The following MDN1 variants were observed in gnomAD, a reference collection of about 807,000 sequenced individuals.
The protein encoded by MDN1 is midasin AAA ATPase 1, also known as midasin.
MDN1 carries 266 observed loss-of-function variants against 669.2 expected under a neutral mutation model. The ratio of observed to expected loss-of-function variants is 0.40; its 90% CI spans 0.36 to 0.44. MDN1 has a LOEUF of 0.44. Ranked by LOEUF, MDN1 falls within the 20% of genes least tolerant of loss-of-function variation. MDN1 has a pLI of 1.00. For missense variants in MDN1, 5,940 were observed against 6,754.0 expected, an observed-to-expected ratio of 0.88 and a Z score of 4.22; for synonymous variants, 2,385 against 2,457.1, an observed-to-expected ratio of 0.97 and a Z score of 0.87.
chr6:89,717,362 A>G (rs994382736), intron 43 of MDN1, among the ~76,000 whole-genome samples: 1 of 152,208 alleles, frequency 6.6e-6, no homozygotes, highest in African/African-American at 2.4e-5. Flanking sequence ...AAGATGAGGG[A>G]GTAACGAGGT....
chr6:89,739,936 T>G (rs1816194760), intron 32 of MDN1, among the ~76,000 whole-genome samples: 1 of 152,190 alleles, frequency 6.6e-6, no homozygotes, highest in Admixed American at 6.5e-5. Flanking sequence ...CAATAATAAC[T>G]TTCTTGCAGA....
intron 44 of MDN1, 30 bp downstream of exon 44, chr6:89,716,620 T>C (rs751131484): frequency 2.5e-6 from 4 of 1,575,740 alleles, no homozygotes; most frequent in Non-Finnish European, 3.4e-6. Context: ...AATTTCAAGT[T>C]GGACCACTGA....
Position 89,650,717 on chromosome 6 carries a change from G to C in MDN1, c.16031+15C>G. 6.2e-7 allele frequency: 1 copy of C among 1,601,500 alleles called. No homozygotes were observed. The highest frequency in any genetic ancestry group is 8.6e-7 in the Non-Finnish European group (1 of 1,168,996). ...TCTCAGGGCACTGTGAGGCCTTCCA[G>C]AGGGGAAGACTTACTTCAGCTTGGC... On this transcript the variant is annotated intron_variant, in intron 96 of 101. Transcript: ENST00000369393.
chr6:89,763,747 A>C (rs1817671373), intron 15 of MDN1, among the ~76,000 whole-genome samples: 1 of 152,212 alleles, frequency 6.6e-6, no homozygotes, highest in South Asian at 2.1e-4. Context: ...TCACTGGCCT[A>C]GTGAGGGAGA....
chr6:89,698,806 T>C, intron 59 of MDN1, 59 bp downstream of exon 59: 1 of 1,534,122 alleles, frequency 6.5e-7, no homozygotes, highest in South Asian at 1.1e-5. Flanking sequence ...TATTGATAGA[T>C]CCATTCAGAA....
At chr6:89,809,909 T>C (rs1768276375) in intron 1 of MDN1, among the ~76,000 whole-genome samples, 1 of 141,376 alleles carries the variant, frequency 7.1e-6, no homozygotes. Flanking sequence ...GGAAATCACC[T>C]GAGCCTGGAA....
In MDN1 at chr6:89,817,872, A is replaced by T. The variant is rs146001211; in HGVS notation, c.102+1634T>A. Among the ~76,000 whole-genome samples the T allele has an allele frequency of 5.9e-5, 9 of 152,298 alleles. No individual in the cohort carries two copies. In the East Asian group the frequency reaches 1.7e-3, roughly 29 times the overall value. ...TAAGGGGTTGTCCCATACATAACAGAATGCTTAGCAGCGTCCCTGGCCTTG... is the reference window on the plus strand; with the variant it reads ...TAAGGGGTTGTCCCATACATAACAGTATGCTTAGCAGCGTCCCTGGCCTTG... On this transcript the variant is annotated intron_variant, in intron 1 of 101. Transcript: ENST00000369393.
chr6:89,799,266 C>G (rs1301626655), intron 2 of MDN1, among the ~76,000 whole-genome samples: 3 of 152,242 alleles, frequency 2.0e-5, no homozygotes, highest in African/African-American at 7.2e-5. Context: ...CACTATTGCT[C>G]TTACCAATCA....
At chr6:89,693,697 A>AC (rs1358610391) in intron 62 of MDN1, among the ~76,000 whole-genome samples, 4 of 152,104 alleles carry the variant, frequency 2.6e-5, no homozygotes, top group Non-Finnish European at 5.9e-5. Context: ...AAAAAAACGA[A>AC]CCCCAAATCC....
intron 46 of MDN1, among the ~76,000 whole-genome samples, chr6:89,713,812 G>C (rs1440244945): frequency 6.6e-6 from 1 of 152,098 alleles, no homozygotes; most frequent in African/African-American, 2.4e-5. Flanking sequence ...ACTTTGGGAG[G>C]CCTAGGTGGG....
In MDN1 at chr6:89,670,997, G is replaced by A. The variant is rs376885525; in HGVS notation, c.13878C>T (p.Thr4626=). ...TACTACGGTGAGTTGCTAAAGACAT[G>A]GTCAGGAAGAAGAGGACGAGGTCTG... ...SYSDLVLFFL[T]MSLATHRSTA... Residue 4626 remains threonine (T), a synonymous_variant, in exon 83 of 102, where the codon ACC becomes ACT. Transcript: ENST00000369393. 1.3e-5 allele frequency: 21 copies of A among 1,614,010 alleles called. No homozygotes were observed. The African/African-American group carries it at 2.4e-4, about 18-fold the overall frequency.
chr6:89,744,255 G>A (rs1001660103), intron 29 of MDN1, among the ~76,000 whole-genome samples: 2 of 151,444 alleles, frequency 1.3e-5, no homozygotes, highest in African/African-American at 4.9e-5. Flanking sequence ...GAACTAAATA[G>A]ACAAAAACTG....
Position 89,695,629 on chromosome 6 carries a change from G to C in MDN1, c.9747C>G (p.Tyr3249Ter). 1 of 1,604,352 alleles carries C rather than the reference G, an allele frequency of 6.2e-7. No homozygotes were observed. Among genetic ancestry groups the C allele is most frequent in the East Asian group, 2.2e-5 (1 of 44,642 alleles). Residue 3249 changes from tyrosine (Y) to a stop codon, truncating the protein, a stop_gained, in exon 61 of 102, where the codon TAC (tyrosine) becomes TAG (stop). Transcript: ENST00000369393. LOFTEE classifies it high-confidence loss of function. This position sits in a 1 kb window ranked among gnomAD's most constrained non-coding sequence, Gnocchi z 4.1. Reference sequence around the variant, plus strand: ...CCTCTTCCTTGACGTAATTGAGCTTGTACTCCCTCTTCACCGCAGGGTCAA... The same window carrying C: ...CCTCTTCCTTGACGTAATTGAGCTTCTACTCCCTCTTCACCGCAGGGTCAA... ...ARFDPAVKREYKLNYVKEELH... is the reference protein window; with the variant it reads ...ARFDPAVKRE
chr6:89,699,575 G>T, intron 58 of MDN1, 26 bp downstream of exon 58: 1 of 1,599,900 alleles, frequency 6.3e-7, no homozygotes, highest in Non-Finnish European at 8.5e-7. Context: ...ATGTAAAGGA[G>T]GCTTATGTCT....
chr6:89,732,542 T>TACCAGACA lies in MDN1; in HGVS notation c.4942+7_4942+14dup. 6.2e-7 allele frequency: 1 copy of TACCAGACA among 1,612,498 alleles called. No individual in the cohort carries two copies. The highest frequency in any genetic ancestry group is 2.2e-5 in the East Asian group (1 of 44,876). On this transcript the variant is annotated intron_variant, in intron 34 of 101. Coordinates refer to ENST00000369393, the MANE Select transcript of MDN1 (RefSeq NM_014611.3). The stretch of plus-strand genomic sequence containing the variant: ...ATACGAGCCCCTTGTCCCCACCAGC[T>TACCAGACA]ACCAGACAACATACCTGAACCTATT...
Position 89,695,410 on chromosome 6 carries a change from T to C in MDN1, c.9771+195A>G, listed in dbSNP as rs528553827. On this transcript the variant is annotated intron_variant, in intron 61 of 101. Coordinates refer to ENST00000369393, the MANE Select transcript of MDN1 (RefSeq NM_014611.3). This position sits in a 1 kb window ranked among gnomAD's most constrained non-coding sequence, Gnocchi z 4.1. Reference sequence around the variant, plus strand: ...CTTAGGAAGGGCTCCTCCCAGAGCATGAGTATAGTCAGGACAACTCTCAAA... The same window carrying C: ...CTTAGGAAGGGCTCCTCCCAGAGCACGAGTATAGTCAGGACAACTCTCAAA... Among the ~76,000 whole-genome samples the C allele has an allele frequency of 1.3e-5, 2 of 152,300 alleles. No individual in the cohort carries two copies. The highest frequency in any genetic ancestry group is 2.1e-4 in the South Asian group (1 of 4,824).
At chr6:89,674,945 T>C (rs1255773220) in intron 78 of MDN1, among the ~76,000 whole-genome samples, 1 of 152,218 alleles carries the variant, frequency 6.6e-6, no homozygotes, top group Non-Finnish European at 1.5e-5. Flanking sequence ...CACGAATCCA[T>C]TCAACAGATG....
At chr6:89,690,885 C>T in intron 63 of MDN1, 51 bp from the exon 64 acceptor site, 1 of 1,579,296 alleles carries the variant, frequency 6.3e-7, no homozygotes, top group East Asian at 2.3e-5. Flanking sequence ...CTGAGGCATT[C>T]ACAAAGGCAA....
intron 34 of MDN1, among the ~76,000 whole-genome samples, chr6:89,731,800 C>T (rs1166320379): frequency 6.5e-4 from 2 of 3,094 alleles, no homozygotes; most frequent in Admixed American, 0.014. Flanking sequence ...ATAGTACCGC[C>T]CCCCCCCCCC....
Sources: gnomAD v4.1 joint callset for allele counts (sites outside exome capture counted in the v4.1 genomes callset) on GRCh38, gnomAD v4.1.1 for gene constraint, Gnocchi (gnomAD v3.1) non-coding constraint, MANE v1.5 for transcripts, NCBI Gene and HGNC (gene_info 2026-07-23, HGNC 2026-07-21) for gene names.